The following IMPG2 variants were observed in gnomAD, a reference collection of about 807,000 sequenced individuals.
IMPG2 encodes the protein interphotoreceptor matrix proteoglycan 2.
A neutral mutation model predicts 129.2 loss-of-function variants in IMPG2; 91 were observed. The ratio of observed to expected loss-of-function variants is 0.70; its 90% CI spans 0.59 to 0.84. The LOEUF (loss-of-function observed/expected upper bound fraction) is 0.84, where lower values mean the gene tolerates loss of function less well. IMPG2 is among the 40% of genes least tolerant of loss of function. The pLI, the probability that IMPG2 is intolerant of heterozygous loss-of-function variation, is 0.00. For missense variants in IMPG2, 1,430 were observed against 1,461.7 expected (o/e 0.98, Z 0.35); for synonymous variants, 510 against 517.7 (o/e 0.99, Z 0.20).
rs571627369 is a variant in IMPG2, at chr3:101,246,586, A to G, written c.1240-481T>C. 6.3e-4 allele frequency among the ~76,000 whole-genome samples: 96 copies of G among 152,312 alleles called. 1 individual carries two copies. The highest frequency in any genetic ancestry group is 1.2e-3 in the Non-Finnish European group (82 of 68,016). On this transcript the variant is annotated intron_variant, in intron 11 of 18. Transcript: ENST00000193391. Reference sequence around the variant, plus strand: ...TGAAGGCCCTCTAGTTTGGTCAGAAATGTCACCACATCAAAATGTAGTCTG... The same window carrying G: ...TGAAGGCCCTCTAGTTTGGTCAGAAGTGTCACCACATCAAAATGTAGTCTG...
intron 10 of IMPG2, among the ~76,000 whole-genome samples, chr3:101,255,197 G>T (rs915900063): frequency 1.3e-5 from 2 of 152,112 alleles, no homozygotes; most frequent in Admixed American, 1.3e-4. Context: ...TAGTGATCAA[G>T]TTACGTAGAA....
intron 14 of IMPG2, among the ~76,000 whole-genome samples, chr3:101,240,193 T>C (rs185160839): frequency 4.6e-5 from 7 of 152,192 alleles, no homozygotes; most frequent in African/African-American, 1.4e-4. Flanking sequence ...TCATAGCGCA[T>C]TGTAATCTCA....
chr3:101,320,157 A>G (rs941166154), intron 1 of IMPG2, 131 bp downstream of exon 1: 16 of 677,732 alleles, frequency 2.4e-5, no homozygotes, highest in Admixed American at 9.0e-5. Flanking sequence ...GGTTTAAATG[A>G]AGCCATATCA....
chr3:101,302,053 A>T (rs1219359470), intron 3 of IMPG2, among the ~76,000 whole-genome samples: 1 of 152,084 alleles, frequency 6.6e-6, no homozygotes, highest in African/African-American at 2.4e-5. Flanking sequence ...TTCCCTACAA[A>T]CACTTGGCTC....
At chr3:101,293,804 T>C (rs1399212560) in intron 3 of IMPG2, among the ~76,000 whole-genome samples, 5 of 152,252 alleles carry the variant, frequency 3.3e-5, no homozygotes, top group African/African-American at 4.8e-5. Flanking sequence ...CACTTGCTTA[T>C]GTTATAAAGA....
At chr3:101,278,587 G>C (rs1411914254) in intron 4 of IMPG2, among the ~76,000 whole-genome samples, 1 of 151,950 alleles carries the variant, frequency 6.6e-6, no homozygotes, top group East Asian at 1.9e-4. Flanking sequence ...TGAATATGAA[G>C]ATAAAATATG....
intron 2 of IMPG2, among the ~76,000 whole-genome samples, chr3:101,306,162 A>G (rs1459794825): frequency 6.6e-6 from 1 of 152,206 alleles, no homozygotes; most frequent in Non-Finnish European, 1.5e-5. Context: ...CAGGATAAAT[A>G]ATTACTGCCT....
At chr3:101,314,990 T>C (rs1339275641) in intron 2 of IMPG2, among the ~76,000 whole-genome samples, 1 of 151,880 alleles carries the variant, frequency 6.6e-6, no homozygotes, top group African/African-American at 2.4e-5. Flanking sequence ...TAGACAAGAG[T>C]ACCCAAGGGA....
chr3:101,246,701 G>GTACTACTAATA (rs1419205945), intron 11 of IMPG2, among the ~76,000 whole-genome samples: 2 of 152,152 alleles, frequency 1.3e-5, no homozygotes, highest in African/African-American at 4.8e-5. Flanking sequence ...TTTTACTAAT[G>GTACTACTAATA]TACTACTAAT....
chr3:101,223,350 G>T lies in IMPG2; in HGVS notation c.*3619C>A, dbSNP rs886057667. Reference sequence around the variant, plus strand: ...AGAAAAAAATAAAACAAAACAACCCGTTTGGGGTTTGTGTTTTTGTTTTTT... The same window carrying T: ...AGAAAAAAATAAAACAAAACAACCCTTTTGGGGTTTGTGTTTTTGTTTTTT... On this transcript the variant is annotated 3_prime_UTR_variant, in exon 19 of 19. Coordinates refer to ENST00000193391, the MANE Select transcript of IMPG2 (RefSeq NM_016247.4). The T allele has an allele frequency of 1.3e-5, 2 of 152,116 alleles. No individual in the cohort carries two copies. The highest frequency in any genetic ancestry group is 2.4e-5 in the African/African-American group (1 of 41,426). The allele number at this position is 152,116 out of a possible 1,614,324, so 9.4% of individuals were successfully genotyped here. A position where few individuals can be genotyped will look rare whatever the true frequency, so the allele number is the denominator to read the frequency against.
chr3:101,223,348 C>A lies in IMPG2; in HGVS notation c.*3621G>T, dbSNP rs1369817723. On this transcript the variant is annotated 3_prime_UTR_variant, in exon 19 of 19. Transcript: ENST00000193391. ...TTAGAAAAAAATAAAACAAAACAAC[C>A]CGTTTGGGGTTTGTGTTTTTGTTTT... 6.6e-6 allele frequency: 1 copy of A among 152,156 alleles called. No individual in the cohort carries two copies. The allele number at this position is 152,156 out of a possible 1,614,324, so 9.4% of individuals were successfully genotyped here. A position where few individuals can be genotyped will look rare whatever the true frequency, so the allele number is the denominator to read the frequency against.
At chr3:101,241,244 GAC>G (rs755535185) in intron 14 of IMPG2, among the ~76,000 whole-genome samples, 10 of 152,156 alleles carry the variant, frequency 6.6e-5, no homozygotes, top group Non-Finnish European at 8.8e-5. Flanking sequence ...TATAAAAACT[GAC>G]AGGAAAGACT....
At chr3:101,227,454 C>T (rs1706237179) in intron 18 of IMPG2, among the ~76,000 whole-genome samples, 1 of 152,216 alleles carries the variant, frequency 6.6e-6, no homozygotes, top group Non-Finnish European at 1.5e-5. Context: ...GTCAATCTGC[C>T]TATTCCTATA....
At chr3:101,235,477 G>A (rs1380159176) in intron 14 of IMPG2, among the ~76,000 whole-genome samples, 1 of 152,206 alleles carries the variant, frequency 6.6e-6, no homozygotes, top group Non-Finnish European at 1.5e-5. Context: ...AGGTATATGT[G>A]TCTGAGGTGA....
chr3:101,268,355 C>T (rs1270116433), intron 8 of IMPG2, among the ~76,000 whole-genome samples: 2 of 152,164 alleles, frequency 1.3e-5, no homozygotes, highest in South Asian at 2.1e-4. Context: ...CTCAGGTTCT[C>T]ATCTGAGCAT....
chr3:101,303,502 G>A (rs1436179832), intron 3 of IMPG2, among the ~76,000 whole-genome samples: 2 of 152,024 alleles, frequency 1.3e-5, no homozygotes, highest in African/African-American at 4.8e-5. Flanking sequence ...GGAGATATAC[G>A]GAATAACAAA....
At chr3:101,260,918 AT>A (rs1706662466) in intron 9 of IMPG2, among the ~76,000 whole-genome samples, 1 of 152,176 alleles carries the variant, frequency 6.6e-6, no homozygotes, top group South Asian at 2.1e-4. Context: ...CAAATGGTCA[AT>A]TTTGTTCCCT....
At chr3:101,306,993 G>C (rs981038160) in intron 2 of IMPG2, among the ~76,000 whole-genome samples, 9 of 152,060 alleles carry the variant, frequency 5.9e-5, no homozygotes, top group Non-Finnish European at 1.2e-4. Flanking sequence ...ACATATATCT[G>C]CCAAAGAACT....
chr3:101,256,167 A>AAGAAAG (rs1380894608), intron 10 of IMPG2, among the ~76,000 whole-genome samples: 38 of 147,634 alleles, frequency 2.6e-4, no homozygotes, highest in African/African-American at 9.6e-4. Flanking sequence ...GAAAGAAAGA[A>AAGAAAG]AGAAAGAAAG....
Sources: gnomAD v4.1 joint callset for allele counts (sites outside exome capture counted in the v4.1 genomes callset) on GRCh38, gnomAD v4.1.1 for gene constraint, MANE v1.5 for transcripts, NCBI Gene and HGNC (gene_info 2026-07-23, HGNC 2026-07-21) for gene names.